DRAM1: variants seen among roughly 807,000 people sequenced by gnomAD.
DRAM1 encodes the protein DNA damage regulated autophagy modulator 1.
In DRAM1, 25 loss-of-function variants were observed where a neutral mutation model predicts 28.5. The observed-to-expected ratio is 0.88, with a 90% CI of 0.64 to 1.23. The LOEUF (loss-of-function observed/expected upper bound fraction) is 1.23, where lower values mean the gene tolerates loss of function less well. Among genes scored for constraint, DRAM1 ranks in the 50% most tolerant of loss-of-function variants. The pLI is 0.00. For missense variants in DRAM1, 249 were observed against 299.2 expected (o/e 0.83, Z 1.24); for synonymous variants, 113 against 114.2 (o/e 0.99, Z 0.07).
chr12:101,900,183 T>C (rs988784573), intron 2 of DRAM1, among the ~76,000 whole-genome samples: 6 of 152,186 alleles, frequency 3.9e-5, no homozygotes, highest in Admixed American at 6.5e-5. Context: ...TGACTAGCTA[T>C]TTGGAAAAAC....
At chr12:101,909,797 G>C (rs1298296624) in intron 4 of DRAM1, among the ~76,000 whole-genome samples, 2 of 152,056 alleles carry the variant, frequency 1.3e-5, no homozygotes, top group Non-Finnish European at 2.9e-5. Context: ...TTTCTTTAAT[G>C]AAGTATTTAA....
chr12:101,878,868 T>C (rs929238128), intron 1 of DRAM1, among the ~76,000 whole-genome samples: 1 of 152,202 alleles, frequency 6.6e-6, no homozygotes, highest in Non-Finnish European at 1.5e-5. Context: ...AGCCATTCTG[T>C]CTGGTGAGCA....
chr12:101,907,841 C>A (rs1197499466), intron 3 of DRAM1, among the ~76,000 whole-genome samples: 1 of 152,142 alleles, frequency 6.6e-6, no homozygotes, highest in Non-Finnish European at 1.5e-5. Flanking sequence ...TTTTTAGATA[C>A]AGAAATCGAG....
chr12:101,913,945 G>A (rs186038263), intron 4 of DRAM1, among the ~76,000 whole-genome samples: 96 of 152,114 alleles, frequency 6.3e-4, no homozygotes, highest in African/African-American at 2.2e-3. Context: ...AGGTATTTCC[G>A]TGTTGTGATT....
At chr12:101,900,245 T>C (rs1354801054) in intron 2 of DRAM1, among the ~76,000 whole-genome samples, 1 of 152,178 alleles carries the variant, frequency 6.6e-6, no homozygotes, top group Non-Finnish European at 1.5e-5. Context: ...TGCAATTTAA[T>C]AGACATGAAA....
intron 1 of DRAM1, among the ~76,000 whole-genome samples, chr12:101,884,947 T>TC (rs1359080643): frequency 2.0e-5 from 3 of 151,810 alleles, no homozygotes; most frequent in East Asian, 3.9e-4. Context: ...TTTTTTTTTT[T>TC]TTTGAGATGG....
chr12:101,878,878 A>G (rs1267087281), intron 1 of DRAM1, among the ~76,000 whole-genome samples: 1 of 151,946 alleles, frequency 6.6e-6, no homozygotes, highest in Non-Finnish European at 1.5e-5. Flanking sequence ...TCTGGTGAGC[A>G]ATGTTCTGTG....
Position 101,898,317 on chromosome 12 carries a change from C to T in DRAM1, c.199+387C>T, listed in dbSNP as rs1172741395. ...ACTTATAGGTGTGAGCCACTGCACACGGCCTTGTGTATAATTTTTTTAAAA... is the reference window on the plus strand; with the variant it reads ...ACTTATAGGTGTGAGCCACTGCACATGGCCTTGTGTATAATTTTTTTAAAA... On this transcript the variant is annotated intron_variant, in intron 2 of 6. Transcript: ENST00000258534. Among the ~76,000 whole-genome samples, 5 of 152,130 alleles carry T rather than the reference C, an allele frequency of 3.3e-5. No homozygotes were observed. In the East Asian group the frequency reaches 5.8e-4, roughly 18 times the overall value.
At chr12:101,919,970 C>A in intron 5 of DRAM1, 139 bp from the exon 6 acceptor site, 1 of 483,706 alleles carries the variant, frequency 2.1e-6, no homozygotes, top group Non-Finnish European at 3.5e-6. Flanking sequence ...CGTGGTTGTG[C>A]TTACCGTATA....
chr12:101,888,351 G>A (rs367619479), intron 1 of DRAM1, among the ~76,000 whole-genome samples: 2 of 151,828 alleles, frequency 1.3e-5, no homozygotes, highest in Admixed American at 6.6e-5. Context: ...GGCTGGTCTC[G>A]AACTCTTGAC....
intron 5 of DRAM1, among the ~76,000 whole-genome samples, chr12:101,918,667 C>T (rs1328051064): frequency 1.3e-5 from 2 of 152,208 alleles, no homozygotes; most frequent in South Asian, 2.1e-4. Flanking sequence ...TAGCCTACAG[C>T]AGTTTGGGGT....
rs1566128592 is a variant in DRAM1 at position 101,907,198 on chromosome 12, TC to T, written c.343-987del. On this transcript the variant is annotated intron_variant, in intron 3 of 6. Transcript: ENST00000258534. ...CTAAGCGACGGAGTGAGACCCTGTC[TC>T]AAAAAAAAAAAAAAAAAAAGAAGAA... 5.9e-4 allele frequency among the ~76,000 whole-genome samples: 29 copies of T among 49,372 alleles called. No individual in the cohort carries two copies. In the South Asian group the frequency reaches 0.01, roughly 17 times the overall value. 32.4% of individuals were successfully genotyped at this position (49,372 alleles called of 152,430 possible). A position where few individuals can be genotyped will look rare whatever the true frequency, so the allele number is the denominator to read the frequency against.
In DRAM1 at chr12:101,895,566, A is replaced by ATT. The variant is rs553634247; in HGVS notation, c.132-2276_132-2275dup. Among the ~76,000 whole-genome samples the ATT allele has an allele frequency of 4.3e-3, 449 of 103,354 alleles. 23 individuals carry two copies. The highest frequency in any genetic ancestry group is 0.015 in the African/African-American group (382 of 24,972). The allele number at this position is 103,354 out of a possible 152,430, so 67.8% of individuals were successfully genotyped here. ...AAAGGCATTTGCTGTAAGGGAGGCT[A>ATT]TTTTTTTTTTTTTTTTTTTTTTGAG... On this transcript the variant is annotated intron_variant, in intron 1 of 6. Transcript: ENST00000258534.
Position 101,877,684 on chromosome 12 carries a change from A to G in DRAM1, c.-106A>G. On this transcript the variant is annotated 5_prime_UTR_variant, in exon 1 of 7. Transcript: ENST00000258534. This position sits in a 1 kb window ranked among gnomAD's most constrained non-coding sequence, Gnocchi z 4.1. ...CGGCCGTCGCGGAGCCTCCCCTCCC[A>G]CCGTCCGTGAGTGTACGCGCCCGGC... The G allele has an allele frequency of 1.2e-6, 1 of 845,934 alleles. No homozygotes were observed. The highest frequency in any genetic ancestry group is 1.5e-6 in the Non-Finnish European group (1 of 645,692). The allele number at this position is 845,934 out of a possible 1,614,324, so 52.4% of individuals were successfully genotyped here.
intron 1 of DRAM1, among the ~76,000 whole-genome samples, chr12:101,890,635 G>A (rs1370390075): frequency 1.3e-5 from 2 of 152,094 alleles, no homozygotes; most frequent in Non-Finnish European, 2.9e-5. Flanking sequence ...ATGGAGAGAG[G>A]GCAAAATTGC....
At position 101,914,198 on chromosome 12, in the gene DRAM1, C is replaced by T. The variant is rs1160995246; in HGVS notation, c.545C>T (p.Ser182Phe). The change falls in exon 5 of 7, where the codon TCC becomes TTC. Residue 182 changes from serine (S) to phenylalanine (F), a missense_variant. Coordinates refer to ENST00000258534, the MANE Select transcript of DRAM1 (RefSeq NM_018370.3). Reference sequence around the variant, plus strand: ...GTGATTGTCTGTGCTTCACTAATTTCCATAACCAAGCTGGAGTGGAATCCA... The same window carrying T: ...GTGATTGTCTGTGCTTCACTAATTTTCATAACCAAGCTGGAGTGGAATCCA... ...IPMIVCASLI[S>F]ITKLEWNPRE... 1 of 1,609,274 alleles carries T rather than the reference C, an allele frequency of 6.2e-7. No individual in the cohort carries two copies. The highest frequency in any genetic ancestry group is 1.1e-5 in the South Asian group (1 of 90,132).
intron 1 of DRAM1, 136 bp downstream of exon 1, chr12:101,878,056 G>A: frequency 2.5e-6 from 3 of 1,217,470 alleles, no homozygotes; most frequent in South Asian, 2.0e-5. Context: ...CAGGAGGAGA[G>A]GTGCTCCCGA....
At chr12:101,879,069 A>ACCGCAACCT (rs1872599048) in intron 1 of DRAM1, among the ~76,000 whole-genome samples, 1 of 152,030 alleles carries the variant, frequency 6.6e-6, no homozygotes, top group Non-Finnish European at 1.5e-5. Context: ...ATCTCGGCTC[A>ACCGCAACCT]CCGCAACCTC....
intron 3 of DRAM1, among the ~76,000 whole-genome samples, chr12:101,905,340 G>A (rs141434778): frequency 6.6e-6 from 1 of 152,078 alleles, no homozygotes; most frequent in Non-Finnish European, 1.5e-5. Flanking sequence ...GGAGTGCAGT[G>A]GTGTGATCAT....
Sources: gnomAD v4.1 joint callset for allele counts (sites outside exome capture counted in the v4.1 genomes callset) on GRCh38, gnomAD v4.1.1 for gene constraint, Gnocchi (gnomAD v3.1) non-coding constraint, MANE v1.5 for transcripts, NCBI Gene and HGNC (gene_info 2026-07-23, HGNC 2026-07-21) for gene names.